IL1RAPL2: variants seen among roughly 807,000 people sequenced by gnomAD.
IL1RAPL2 encodes the protein interleukin 1 receptor accessory protein like 2, also known as X-linked interleukin-1 receptor accessory protein-like 2.
Under a neutral mutation model 44.1 loss-of-function variants are expected in IL1RAPL2, and 3 were observed. The observed-to-expected ratio is 0.07, with a 90% CI of 0.03 to 0.18. IL1RAPL2 has a LOEUF of 0.18. IL1RAPL2 is among the 10% of genes least tolerant of loss of function. The pLI is 1.00. For missense variants in IL1RAPL2, 391 were observed against 496.4 expected, an observed-to-expected ratio of 0.79 and a Z score of 2.02; for synonymous variants, 181 against 178.8, an observed-to-expected ratio of 1.01 and a Z score of -0.10.
At chrX:104,958,446 G>A (rs2147714688) in intron 2 of IL1RAPL2, among the ~76,000 whole-genome samples, 1 of 106,349 alleles carries the variant, frequency 9.4e-6, no homozygotes, top group South Asian at 4.5e-4. Flanking sequence ...GTCATTTCTG[G>A]GTTGCTGCTT....
At chrX:104,642,575 C>A (rs1465978253) in intron 1 of IL1RAPL2, among the ~76,000 whole-genome samples, 4 of 110,837 alleles carry the variant, frequency 3.6e-5, no homozygotes, top group Non-Finnish European at 5.7e-5. Context: ...ACCTCCACCT[C>A]CCAGGTCCAA....
chrX:104,641,152 C>T (rs772317970), intron 1 of IL1RAPL2, among the ~76,000 whole-genome samples: 4 of 111,776 alleles, frequency 3.6e-5, no homozygotes, highest in East Asian at 2.8e-4. Flanking sequence ...GGGTTGGTTA[C>T]GCTTCAGGCC....
chrX:104,810,083 C>T (rs1569318660), intron 2 of IL1RAPL2, among the ~76,000 whole-genome samples: 1 of 109,946 alleles, frequency 9.1e-6, no homozygotes, highest in Non-Finnish European at 1.9e-5. Context: ...ACTATGCAGC[C>T]ATAAAAAATG....
Position 104,946,246 on chromosome X carries a change from G to A in IL1RAPL2, c.83-249229G>A, listed in dbSNP as rs1464474698. ...AAATTAGCCAGGCGCGGTGGCGGGC[G>A]CCTGTAGTCCCAGCTACTCGGGAGG... On this transcript the variant is annotated intron_variant, in intron 2 of 10. Transcript: ENST00000372582. 7.0e-4 allele frequency among the ~76,000 whole-genome samples: 70 copies of A among 99,757 alleles called. 1 individual carries two copies. Among genetic ancestry groups the A allele is most frequent in the Middle Eastern group, 9.1e-3 (2 of 219 alleles). 86.6% of individuals were successfully genotyped at this position (99,757 alleles called of 115,157 possible).
intron 2 of IL1RAPL2, among the ~76,000 whole-genome samples, chrX:105,006,459 A>G (rs900589702): frequency 4.5e-5 from 5 of 110,800 alleles, no homozygotes; most frequent in African/African-American, 9.8e-5. Flanking sequence ...AATACTGGAT[A>G]TTTCTTGTTG....
At chrX:105,383,062 A>G (rs1245218496) in intron 5 of IL1RAPL2, among the ~76,000 whole-genome samples, 2 of 109,705 alleles carry the variant, frequency 1.8e-5, no homozygotes, top group Admixed American at 1.9e-4. Flanking sequence ...TGGCACATGT[A>G]TACATATGTA....
chrX:105,218,847 C>A lies in IL1RAPL2; in HGVS notation c.357-14971C>A, dbSNP rs905526416. On this transcript the variant is annotated intron_variant, in intron 3 of 10. Coordinates refer to ENST00000372582, the MANE Select transcript of IL1RAPL2 (RefSeq NM_017416.2). ...GTACCATTGTCTCACCTCCTTCCCCCACTCTTCCCAGCCTTCTTCCCCTAC... is the reference window on the plus strand; with the variant it reads ...GTACCATTGTCTCACCTCCTTCCCCAACTCTTCCCAGCCTTCTTCCCCTAC... 8 of 644,318 alleles carry A rather than the reference C, an allele frequency of 1.2e-5. No homozygotes were observed. The African/African-American group carries it at 1.6e-4, about 13-fold the overall frequency. 53.1% of individuals were successfully genotyped at this position (644,318 alleles called of 1,213,427 possible).
chrX:105,586,033 C>A (rs937905086), intron 6 of IL1RAPL2, among the ~76,000 whole-genome samples: 1 of 111,744 alleles, frequency 8.9e-6, no homozygotes, highest in African/African-American at 3.2e-5. Flanking sequence ...TTCTGCACAG[C>A]AAAAGAAACT....
intron 2 of IL1RAPL2, among the ~76,000 whole-genome samples, chrX:104,892,622 T>C (rs1431802036): frequency 2.7e-5 from 3 of 112,074 alleles, no homozygotes; most frequent in African/African-American, 9.7e-5. Context: ...TGTATTTCTG[T>C]GGGATGGGTT....
chrX:104,829,386 G>A lies in IL1RAPL2; in HGVS notation c.82+170391G>A, dbSNP rs979080796. Among the ~76,000 whole-genome samples the A allele has an allele frequency of 1.3e-4, 14 of 111,481 alleles. No homozygotes were observed. The Admixed American group carries it at 1.3e-3, about 11-fold the overall frequency. ...CGGCTTCCCTTGGCTAGGGGAGGGA[G>A]TTCCACCACCCCTTGCAAATCCCAG... On this transcript the variant is annotated intron_variant, in intron 2 of 10. Transcript: ENST00000372582.
chrX:105,093,982 A>G (rs763244605), intron 2 of IL1RAPL2, among the ~76,000 whole-genome samples: 21 of 111,924 alleles, frequency 1.9e-4, no homozygotes, highest in Non-Finnish European at 3.6e-4. Context: ...TGAGGTCAGT[A>G]TTGCCTGGAA....
At chrX:105,007,992 G>A (rs199880010) in intron 2 of IL1RAPL2, among the ~76,000 whole-genome samples, 493 of 10,502 alleles carry the variant, frequency 0.047, 48 homozygotes, top group South Asian at 0.31. Context: ...CTATTGAGAA[G>A]AGAATTGCCA....
intron 2 of IL1RAPL2, among the ~76,000 whole-genome samples, chrX:104,860,059 C>T (rs1246808871): frequency 4.5e-5 from 5 of 111,955 alleles, no homozygotes; most frequent in Non-Finnish European, 9.4e-5. Context: ...TGATAAAAAT[C>T]CATTTAATGG....
chrX:105,138,617 T>C (rs928368350), intron 2 of IL1RAPL2, among the ~76,000 whole-genome samples: 3 of 111,313 alleles, frequency 2.7e-5, no homozygotes, highest in Middle Eastern at 9.3e-3. Context: ...ACCTACTATA[T>C]ACCAGGTTTT....
intron 9 of IL1RAPL2, among the ~76,000 whole-genome samples, chrX:105,750,879 G>A (rs922462116): frequency 1.8e-5 from 2 of 110,694 alleles, no homozygotes; most frequent in African/African-American, 6.6e-5. Context: ...AAAAACTAGA[G>A]AGAATGTGTT....
chrX:105,300,901 C>T (rs776958764), intron 5 of IL1RAPL2, among the ~76,000 whole-genome samples: 1 of 111,647 alleles, frequency 9.0e-6, no homozygotes, highest in East Asian at 2.8e-4. Context: ...ACAAAGTATG[C>T]TTGCAGTTAC....
intron 2 of IL1RAPL2, among the ~76,000 whole-genome samples, chrX:104,721,677 A>G (rs920396395): frequency 1.8e-5 from 2 of 111,225 alleles, no homozygotes; most frequent in Non-Finnish European, 3.8e-5. Flanking sequence ...GAAACCCAGA[A>G]CTTAAAATAA....
intron 1 of IL1RAPL2, among the ~76,000 whole-genome samples, chrX:104,597,378 T>C (rs984788286): frequency 9.4e-5 from 10 of 105,890 alleles, no homozygotes; most frequent in Non-Finnish European, 1.5e-4. Context: ...AGAGACATGA[T>C]AAAGTGTATT....
intron 2 of IL1RAPL2, among the ~76,000 whole-genome samples, chrX:104,897,972 G>T (rs1923701509): frequency 8.9e-6 from 1 of 112,052 alleles, no homozygotes; most frequent in African/African-American, 3.2e-5. Context: ...TTTTCTTAAA[G>T]GAATATTGGG....
Sources: allele counts gnomAD v4.1 joint callset (sites outside exome capture counted in the v4.1 genomes callset), GRCh38; gene constraint gnomAD v4.1.1; transcripts MANE v1.5; gene names NCBI Gene and HGNC (gene_info 2026-07-23, HGNC 2026-07-21).